The following PLXDC2 variants were observed in gnomAD, a reference collection of about 807,000 sequenced individuals.
PLXDC2 encodes the protein plexin domain containing 2, also known as plexin domain-containing protein 2.
A neutral mutation model predicts 68.9 loss-of-function variants in PLXDC2; 40 were observed. The ratio of observed to expected loss-of-function variants is 0.58; its 90% confidence interval spans 0.45 to 0.76. The LOEUF (loss-of-function observed/expected upper bound fraction) is 0.76, where lower values mean the gene tolerates loss of function less well. Among genes scored for constraint, PLXDC2 ranks in the 30% least tolerant of loss-of-function variants. PLXDC2 has a pLI of 0.00. For synonymous variants in PLXDC2, 243 were observed against 234.2 expected, an observed-to-expected ratio of 1.04 and a Z score of -0.34; for missense variants, 644 against 661.9, an observed-to-expected ratio of 0.97 and a Z score of 0.30.
chr10:20,182,636 A>G (rs1834621805), intron 9 of PLXDC2, among the ~76,000 whole-genome samples: 1 of 151,686 alleles, frequency 6.6e-6, no homozygotes, highest in African/African-American at 2.4e-5. Flanking sequence ...TTTAAAAGGG[A>G]CTATCAAATT....
At chr10:20,176,262 G>A (rs1834525623) in intron 7 of PLXDC2, among the ~76,000 whole-genome samples, 1 of 151,960 alleles carries the variant, frequency 6.6e-6, no homozygotes, top group Admixed American at 6.6e-5. Context: ...CCAGCTTTAT[G>A]GAGATATGAT....
At chr10:20,243,312 C>G (rs1186612994) in intron 12 of PLXDC2, among the ~76,000 whole-genome samples, 1 of 152,124 alleles carries the variant, frequency 6.6e-6, no homozygotes, top group Non-Finnish European at 1.5e-5. Context: ...TAGTGCCTAC[C>G]TCTTAGGGTT....
At chr10:19,897,871 A>G (rs568192785) in intron 1 of PLXDC2, among the ~76,000 whole-genome samples, 1 of 152,256 alleles carries the variant, frequency 6.6e-6, no homozygotes, top group South Asian at 2.1e-4. Flanking sequence ...TTAGTAATAT[A>G]ATTAAAAAAT....
chr10:20,245,485 G>A lies in PLXDC2; in HGVS notation c.1453G>A (p.Ala485Thr). Residue 485 changes from alanine (A) to threonine (T), a missense_variant, in exon 13 of 14, where the codon GCC becomes ACC. Around this residue, in one of 3 missense-constraint regions of PLXDC2, gnomAD observed 330 missense variants for 327.9 expected, o/e 1.01. Transcript: ENST00000377252. The stretch of plus-strand genomic sequence containing the variant: ...TATGTATCACCACCCAACATCAGCA[G>A]CCAGCATCTTCTTTATTGAGGTAAG... The part of the protein sequence containing the change: ...VYMYHHPTSA[A>T]SIFFIERRPS... 1.2e-6 allele frequency: 2 copies of A among 1,611,834 alleles called. No individual in the cohort carries two copies. Among genetic ancestry groups the A allele is most frequent in the Non-Finnish European group, 1.7e-6 (2 of 1,179,530 alleles).
At chr10:19,989,995 G>A (rs552999881) in intron 1 of PLXDC2, among the ~76,000 whole-genome samples, 3 of 152,024 alleles carry the variant, frequency 2.0e-5, no homozygotes, top group East Asian at 1.9e-4. Context: ...TGATCCGCCC[G>A]ACTCAGTCTC....
chr10:20,155,401 A>T (rs1834204293), intron 6 of PLXDC2, among the ~76,000 whole-genome samples: 1 of 152,226 alleles, frequency 6.6e-6, no homozygotes, highest in Non-Finnish European at 1.5e-5. Context: ...TACATCTGTG[A>T]GAATACTTGA....
chr10:20,145,130 C>T (rs969316974), intron 5 of PLXDC2, among the ~76,000 whole-genome samples: 5 of 151,960 alleles, frequency 3.3e-5, no homozygotes, highest in Admixed American at 2.0e-4. Context: ...TAATTACATA[C>T]GTAAAGTGAG....
Position 20,134,553 on chromosome 10 carries a change from G to A in PLXDC2, c.542-8742G>A, listed in dbSNP as rs12255253. Among the ~76,000 whole-genome samples, 1,191 of 152,242 alleles carry A rather than the reference G, an allele frequency of 7.8e-3. 15 individuals carry two copies. Among genetic ancestry groups the A allele is most frequent in the African/African-American group, 0.027 (1,119 of 41,542 alleles). ...TCTGCAGATGCAGGCCTGGAGCCTC[G>A]ATTAACTGGGCAATCCTAGTGTCTG... On this transcript the variant is annotated intron_variant, in intron 4 of 13. Transcript: ENST00000377252.
intron 4 of PLXDC2, among the ~76,000 whole-genome samples, chr10:20,140,773 C>T (rs1464522638): frequency 3.3e-5 from 5 of 151,890 alleles, no homozygotes; most frequent in African/African-American, 1.2e-4. Flanking sequence ...ATATAAGTAA[C>T]TTTCAATATG....
intron 1 of PLXDC2, among the ~76,000 whole-genome samples, chr10:19,992,593 C>G (rs951790482): frequency 6.6e-6 from 1 of 152,232 alleles, no homozygotes; most frequent in African/African-American, 2.4e-5. Flanking sequence ...TCTTGAATTT[C>G]ATTTTTCTTT....
intron 1 of PLXDC2, among the ~76,000 whole-genome samples, chr10:19,827,427 A>T (rs941557368): frequency 6.6e-5 from 10 of 152,218 alleles, no homozygotes; most frequent in African/African-American, 2.4e-4. Flanking sequence ...TTTGATTGCA[A>T]TCTTATGAAG....
intron 4 of PLXDC2, among the ~76,000 whole-genome samples, chr10:20,090,593 T>G (rs2131730071): frequency 6.6e-6 from 1 of 152,324 alleles, no homozygotes; most frequent in South Asian, 2.1e-4. Context: ...AAGGTACATT[T>G]AATGCCTCCA....
intron 1 of PLXDC2, among the ~76,000 whole-genome samples, chr10:19,850,595 A>C (rs1008769811): frequency 6.6e-6 from 1 of 152,186 alleles, no homozygotes. Context: ...CATGTCCACC[A>C]CTTACACACC....
intron 1 of PLXDC2, among the ~76,000 whole-genome samples, chr10:19,877,827 C>T (rs1309131649): frequency 6.6e-6 from 1 of 152,196 alleles, no homozygotes; most frequent in African/African-American, 2.4e-5. Context: ...GAAGTATATT[C>T]TTTAAAGCTT....
chr10:20,177,242 C>T, intron 8 of PLXDC2, 86 bp from the exon 9 acceptor site: 1 of 1,335,974 alleles, frequency 7.5e-7, no homozygotes, highest in Non-Finnish European at 1.1e-6. Flanking sequence ...GATTAGGGGG[C>T]AGTGATTTTT....
chr10:19,835,570 A>T (rs1461730776), intron 1 of PLXDC2, among the ~76,000 whole-genome samples: 2 of 152,168 alleles, frequency 1.3e-5, no homozygotes, highest in Non-Finnish European at 2.9e-5. Context: ...ATCGAGGTGT[A>T]TCTGGTGGTG....
At chr10:20,169,734 A>G (rs1357011195) in intron 7 of PLXDC2, among the ~76,000 whole-genome samples, 2 of 152,170 alleles carry the variant, frequency 1.3e-5, no homozygotes, top group Non-Finnish European at 2.9e-5. Context: ...TTAATTTGGA[A>G]CAGATAAGGC....
At position 19,924,257 on chromosome 10, in the gene PLXDC2, G is replaced by A. The variant is rs184625655; in HGVS notation, c.113-77518G>A. Among the ~76,000 whole-genome samples, 7 of 152,152 alleles carry A rather than the reference G, an allele frequency of 4.6e-5. No homozygotes were observed. In the East Asian group the frequency reaches 7.8e-4, roughly 17 times the overall value. ...CCCATCTCTCACTCTCTTCCTTTACGTTTTCCTAACATTTGGTGCCAAAAC... is the reference window on the plus strand; with the variant it reads ...CCCATCTCTCACTCTCTTCCTTTACATTTTCCTAACATTTGGTGCCAAAAC... On this transcript the variant is annotated intron_variant, in intron 1 of 13. Coordinates refer to ENST00000377252, the MANE Select transcript of PLXDC2 (RefSeq NM_032812.9).
intron 12 of PLXDC2, among the ~76,000 whole-genome samples, chr10:20,236,270 C>T (rs889656179): frequency 3.3e-5 from 5 of 151,764 alleles, no homozygotes; most frequent in East Asian, 1.9e-4. Flanking sequence ...AGTGAAAGCC[C>T]GTCTCTACTA....
Sources: gnomAD v4.1 joint callset for allele counts (sites outside exome capture counted in the v4.1 genomes callset) on GRCh38, gnomAD v4.1.1 for gene constraint, gnomAD v4.1.1 regional missense constraint, MANE v1.5 for transcripts, NCBI Gene and HGNC (gene_info 2026-07-23, HGNC 2026-07-21) for gene names.